The following SOX5 variants were observed in gnomAD, a reference collection of about 807,000 sequenced individuals.
SOX5 encodes transcription factor SOX-5.
In SOX5, 9 loss-of-function variants were observed where a neutral mutation model predicts 92.0. The ratio of observed to expected loss-of-function variants is 0.10; its 90% CI spans 0.06 to 0.17. The LOEUF (loss-of-function observed/expected upper bound fraction) is 0.17. Ranked by LOEUF, SOX5 falls within the 10% of genes least tolerant of loss-of-function variation. The probability of loss-of-function intolerance (pLI) is 1.00; values close to 1 mark genes in which losing one functional copy is unlikely to be tolerated. For synonymous variants in SOX5, 344 were observed against 336.3 expected (o/e 1.02, Z -0.25); for missense variants, 642 against 944.5 (o/e 0.68, Z 4.20).
intron 1 of SOX5, among the ~76,000 whole-genome samples, chr12:23,923,959 A>G (rs1452394818): frequency 6.6e-6 from 1 of 152,196 alleles, no homozygotes; most frequent in Non-Finnish European, 1.5e-5. Context: ...TTTTATGGAT[A>G]TCTACTGCAG....
chr12:23,552,959 C>G (rs572633215), intron 11 of SOX5, among the ~76,000 whole-genome samples: 1 of 152,016 alleles, frequency 6.6e-6, no homozygotes, highest in East Asian at 1.9e-4. Flanking sequence ...GGCTTTGATT[C>G]TTTTTAAACC....
At chr12:23,679,731 A>G (rs189549493) in intron 6 of SOX5, among the ~76,000 whole-genome samples, 55 of 152,280 alleles carry the variant, frequency 3.6e-4, no homozygotes, top group Admixed American at 1.6e-3. Context: ...AGGAGCATCA[A>G]TTTAGATACT....
chr12:24,521,765 A>G (rs1950283877), intron 1 of SOX5, among the ~76,000 whole-genome samples: 1 of 152,182 alleles, frequency 6.6e-6, no homozygotes, highest in South Asian at 2.1e-4. Flanking sequence ...AGACAAACGA[A>G]AATGAAAACA....
At position 24,280,127 on chromosome 12, in the gene SOX5, T is replaced by TA. The variant is rs1244616146; in HGVS notation, c.-173-2816_-173-2815insT. Among the ~76,000 whole-genome samples the TA allele has an allele frequency of 2.6e-5, 4 of 152,318 alleles. No individual in the cohort carries two copies. The East Asian group carries it at 7.7e-4, about 29-fold the overall frequency. Reference sequence around the variant, plus strand: ...CATTTTATGGACTAATGTACCCTAGTGTCTGAATCCTATTTACACCCTCTA... The same window carrying TA: ...CATTTTATGGACTAATGTACCCTAGTAGTCTGAATCCTATTTACACCCTCTA... On this transcript the variant is annotated intron_variant, in intron 2 of 4. Transcript: ENST00000446891.
At chr12:23,921,603 C>T (rs569258216) in intron 1 of SOX5, among the ~76,000 whole-genome samples, 1 of 152,192 alleles carries the variant, frequency 6.6e-6, no homozygotes, top group Admixed American at 6.5e-5. Flanking sequence ...ACAACAAAAA[C>T]GAGCCTCCCC....
chr12:23,592,541 T>A (rs539939343), intron 9 of SOX5, among the ~76,000 whole-genome samples: 1 of 152,304 alleles, frequency 6.6e-6, no homozygotes, highest in Admixed American at 6.5e-5. Flanking sequence ...AGCATGTTCT[T>A]CCCATTACAA....
chr12:24,423,189 C>T (rs1206298402), intron 1 of SOX5, among the ~76,000 whole-genome samples: 1 of 152,184 alleles, frequency 6.6e-6, no homozygotes, highest in Non-Finnish European at 1.5e-5. Context: ...ACTGTGCAAT[C>T]ACCTCACTGA....
At chr12:24,434,419 T>C (rs1336025005) in intron 1 of SOX5, among the ~76,000 whole-genome samples, 1 of 152,160 alleles carries the variant, frequency 6.6e-6, no homozygotes, top group East Asian at 1.9e-4. Flanking sequence ...TGCAAAAAGC[T>C]CAGCTATTAC....
At chr12:24,016,212 T>G (rs886309758) in intron 4 of SOX5, among the ~76,000 whole-genome samples, 4 of 152,158 alleles carry the variant, frequency 2.6e-5, no homozygotes, top group African/African-American at 9.7e-5. Flanking sequence ...GAATCAAGAT[T>G]ACAGCACCCT....
At chr12:24,029,662 ATTTATTTTTATTT>A (rs1232681282) in intron 4 of SOX5, among the ~76,000 whole-genome samples, 1 of 151,980 alleles carries the variant, frequency 6.6e-6, no homozygotes, top group African/African-American at 2.4e-5. Flanking sequence ...TCCTAATTGC[ATTTATTTTTATTT>A]TTCAAAAATG....
intron 3 of SOX5, among the ~76,000 whole-genome samples, chr12:24,219,426 CAT>C (rs1164652313): frequency 6.6e-6 from 1 of 152,028 alleles, no homozygotes; most frequent in Non-Finnish European, 1.5e-5. Flanking sequence ...GCCTTAAAAA[CAT>C]ATACAACTAT....
chr12:24,323,030 C>A (rs1380130164), intron 2 of SOX5, among the ~76,000 whole-genome samples: 1 of 151,812 alleles, frequency 6.6e-6, no homozygotes, highest in Non-Finnish European at 1.5e-5. Flanking sequence ...TATGAGACAG[C>A]CCTTATCTAA....
intron 1 of SOX5, among the ~76,000 whole-genome samples, chr12:24,478,761 T>C (rs772329031): frequency 1.4e-4 from 21 of 152,218 alleles, no homozygotes; most frequent in African/African-American, 4.8e-4. Context: ...ATTTTCTCCA[T>C]TGCATTCTCA....
intron 11 of SOX5, among the ~76,000 whole-genome samples, chr12:23,551,755 A>G (rs1293535487): frequency 1.3e-5 from 2 of 151,744 alleles, no homozygotes; most frequent in African/African-American, 2.4e-5. Flanking sequence ...TGGTCTAGGT[A>G]TCCACAAAAT....
At chr12:24,196,435 G>C (rs796420780) in intron 4 of SOX5, among the ~76,000 whole-genome samples, 2 of 152,210 alleles carry the variant, frequency 1.3e-5, no homozygotes, top group African/African-American at 2.4e-5. Flanking sequence ...AAACTCTATG[G>C]ACAGGTCTTG....
intron 2 of SOX5, among the ~76,000 whole-genome samples, chr12:23,871,881 A>C (rs77768063): frequency 6.6e-6 from 1 of 152,118 alleles, no homozygotes; most frequent in Non-Finnish European, 1.5e-5. Context: ...TGTCTATAAC[A>C]ATAGAGTTTC....
chr12:24,192,891 C>A (rs1310637212), intron 4 of SOX5, among the ~76,000 whole-genome samples: 1 of 152,146 alleles, frequency 6.6e-6, no homozygotes, highest in Non-Finnish European at 1.5e-5. Flanking sequence ...TATCTGCCAC[C>A]ATATCTGTTG....
intron 3 of SOX5, among the ~76,000 whole-genome samples, chr12:23,835,108 CG>C (rs543556167): frequency 6.3e-4 from 96 of 151,802 alleles, no homozygotes; most frequent in African/African-American, 1.2e-3. Flanking sequence ...GCTGGACACC[CG>C]GAAGTAGAGA....
At chr12:24,422,892 T>C (rs140899964) in intron 1 of SOX5, among the ~76,000 whole-genome samples, 1,648 of 152,210 alleles carry the variant, frequency 0.011, 32 homozygotes, top group African/African-American at 0.038. Context: ...ATGCCTGTAG[T>C]TCCAGCTACT....
Sources: allele counts gnomAD v4.1 joint callset (sites outside exome capture counted in the v4.1 genomes callset), GRCh38; gene constraint gnomAD v4.1.1; transcripts MANE v1.5; gene names NCBI Gene and HGNC (gene_info 2026-07-23, HGNC 2026-07-21).